AARS1: variants seen among roughly 807,000 people sequenced by gnomAD.
AARS1 encodes the protein alanyl-tRNA synthetase 1, also known as alanine--tRNA ligase, cytoplasmic.
AARS1 carries 72 observed loss-of-function variants against 108.9 expected under a neutral mutation model. That is an observed-to-expected ratio of 0.66 (90% CI 0.55 to 0.80). The LOEUF (loss-of-function observed/expected upper bound fraction) is 0.80, where lower values mean the gene tolerates loss of function less well. AARS1 is among the 30% of genes least tolerant of loss of function. The pLI, the probability that AARS1 is intolerant of heterozygous loss-of-function variation, is 0.00. For missense variants in AARS1, 1,193 were observed against 1,233.2 expected (o/e 0.97, Z 0.49); for synonymous variants, 489 against 465.7 (o/e 1.05, Z -0.64).
At chr16:70,272,460 C>T (rs1438780592) in intron 4 of AARS1, among the ~76,000 whole-genome samples, 2 of 129,136 alleles carry the variant, frequency 1.5e-5, no homozygotes, top group East Asian at 2.5e-4. Context: ...GAGCCGGGAT[C>T]GCGCCATTGC....
At chr16:70,275,195 G>C (rs1960508537) in intron 4 of AARS1, among the ~76,000 whole-genome samples, 1 of 152,108 alleles carries the variant, frequency 6.6e-6, no homozygotes, top group South Asian at 2.1e-4. Context: ...GGGAGGCAGA[G>C]GTTACAGTGA....
chr16:70,269,716 G>T lies in AARS1; in HGVS notation c.864C>A (p.Ala288=). 6.2e-7 allele frequency: 1 copy of T among 1,614,056 alleles called. No individual in the cohort carries two copies. Among genetic ancestry groups the T allele is most frequent in the Non-Finnish European group, 8.5e-7 (1 of 1,180,014 alleles). The change falls in exon 7 of 21, where the codon GCC becomes GCA. Residue 288 remains alanine, a synonymous_variant. Transcript: ENST00000261772. ...PYTGKVGAED[A]DGIDMAYRVL... is the part of the protein sequence containing the mutation. ...CCCGGTAGGCCATGTCAATCCCATC[G>T]GCATCCTCAGCACCAACTTTCCCAG...
At chr16:70,273,228 T>G (rs1960453140) in intron 4 of AARS1, among the ~76,000 whole-genome samples, 1 of 151,766 alleles carries the variant, frequency 6.6e-6, no homozygotes, top group Non-Finnish European at 1.5e-5. Flanking sequence ...ATGAAAGAAT[T>G]AAGTAAAAGG....
chr16:70,276,948 C>G lies in AARS1; in HGVS notation c.333+18G>C. 1 of 1,614,008 alleles carries G rather than the reference C, an allele frequency of 6.2e-7. No individual in the cohort carries two copies. Among genetic ancestry groups the G allele is most frequent in the Non-Finnish European group, 8.5e-7 (1 of 1,179,894 alleles). ...CATTTTCCTCAAAACCCTAGTGGTT[C>G]TTCTGCTCTGAACTTACCTTAAAGT... is the stretch of plus-strand genomic sequence containing the variant. On this transcript the variant is annotated intron_variant, in intron 3 of 20. Coordinates refer to ENST00000261772, the MANE Select transcript of AARS1 (RefSeq NM_001605.3).
At chr16:70,276,387 G>T in intron 4 of AARS1, 99 bp downstream of exon 4, 1 of 1,379,430 alleles carries the variant, frequency 7.2e-7, no homozygotes, top group Non-Finnish European at 1.0e-6. Flanking sequence ...GGAACCCTGA[G>T]ATGCAAAATG....
At chr16:70,288,597 C>G (rs1177759086) in intron 1 of AARS1, among the ~76,000 whole-genome samples, 3 of 146,552 alleles carry the variant, frequency 2.0e-5, no homozygotes, top group Non-Finnish European at 4.5e-5. Context: ...AACGGAGTCT[C>G]CCTCTGTCAC....
In AARS1 at chr16:70,255,890, TG is replaced by T. The variant is rs1254423100; in HGVS notation, c.2178-55del. The T allele has an allele frequency of 2.0e-6, 3 of 1,530,558 alleles. No individual in the cohort carries two copies. The East Asian group carries it at 7.1e-5, about 36-fold the overall frequency. The allele number at this position is 1,530,558 out of a possible 1,614,324, so 94.8% of individuals were successfully genotyped here. On this transcript the variant is annotated intron_variant, in intron 15 of 20. Coordinates refer to ENST00000261772, the MANE Select transcript of AARS1 (RefSeq NM_001605.3). ...GAAAGAGGCCCTGGCAGCCCTTGGC[TG>T]GGGGGTCACACTAGCGGACAAGAGA...
In AARS1 at chr16:70,276,553, A is replaced by C; in HGVS notation, c.412T>G (p.Phe138Val). ...IPIERLYVTY[F>V]GGDEAAGLEA... ...AAGCCAGCTGCTTCATCCCCGCCAA[A>C]GTAAGTAACATAAAGTCTTTCAATG... The change falls in exon 4 of 21, where the codon TTT becomes GTT. Residue 138 changes from phenylalanine to valine, a missense_variant. Coordinates refer to ENST00000261772, the MANE Select transcript of AARS1 (RefSeq NM_001605.3). 6.2e-7 allele frequency: 1 copy of C among 1,614,144 alleles called. No individual in the cohort carries two copies. The highest frequency in any genetic ancestry group is 8.5e-7 in the Non-Finnish European group (1 of 1,180,024).
intron 2 of AARS1, 28 bp from the exon 3 acceptor site, chr16:70,277,182 T>G: frequency 2.5e-6 from 4 of 1,610,122 alleles, no homozygotes; most frequent in Non-Finnish European, 2.5e-6. Context: ...CAGTTCAACT[T>G]TTAAAGGGTG....
chr16:70,265,197 G>C, intron 10 of AARS1, 95 bp from the exon 11 acceptor site: 1 of 1,479,648 alleles, frequency 6.8e-7, no homozygotes, highest in South Asian at 1.1e-5. Context: ...AGCATAAACT[G>C]CCAGAACAGG....
At chr16:70,261,755 C>G (rs1960138777) in intron 12 of AARS1, among the ~76,000 whole-genome samples, 1 of 151,172 alleles carries the variant, frequency 6.6e-6, no homozygotes, top group Non-Finnish European at 1.5e-5. Flanking sequence ...CTGCAACCAC[C>G]CTCTCCTGGG....
chr16:70,264,012 C>G (rs933938405), intron 11 of AARS1, among the ~76,000 whole-genome samples: 2 of 151,940 alleles, frequency 1.3e-5, no homozygotes, highest in Non-Finnish European at 2.9e-5. Context: ...CTTTGGGAGG[C>G]CAAGGCAGGC....
chr16:70,276,290 A>G (rs143811203), intron 4 of AARS1, 196 bp downstream of exon 4: 2 of 587,976 alleles, frequency 3.4e-6, no homozygotes, highest in African/African-American at 3.7e-5. Flanking sequence ...GCTGGAGTGC[A>G]GTGGAGTGAT....
At chr16:70,271,217 C>T (rs904634399) in intron 5 of AARS1, among the ~76,000 whole-genome samples, 5 of 150,964 alleles carry the variant, frequency 3.3e-5, no homozygotes, top group African/African-American at 1.2e-4. Flanking sequence ...AGGCAAGCTT[C>T]AAGGAAATAG....
intron 11 of AARS1, 38 bp downstream of exon 11, chr16:70,264,920 G>A (rs1454535314): frequency 6.2e-7 from 1 of 1,613,480 alleles, no homozygotes; most frequent in Admixed American, 1.7e-5. Context: ...CAGATACGGG[G>A]CAGAATGCTC....
At position 70,254,653 on chromosome 16, in the gene AARS1, C is replaced by A; in HGVS notation, c.2368G>T (p.Asp790Tyr). The A allele has an allele frequency of 6.2e-7, 1 of 1,614,112 alleles. No homozygotes were observed. The highest frequency in any genetic ancestry group is 1.3e-5 in the African/African-American group (1 of 75,046). Residue 790 changes from aspartate (D) to tyrosine (Y), a missense_variant, in exon 17 of 21, where the codon GAT (aspartate) becomes TAT (tyrosine). Asp to Tyr is a radical substitution (Grantham distance 160). Coordinates refer to ENST00000261772, the MANE Select transcript of AARS1 (RefSeq NM_001605.3). ...AGGTCAGCGATCTCCCTCTGCACAT[C>A]CTTGTTTGGAGCAGTCTGAGCCTTC... is the stretch of plus-strand genomic sequence containing the variant. ...KVKAQTAPNK[D>Y]VQREIADLGE...
At chr16:70,261,524 G>A (rs533571871) in intron 12 of AARS1, 1 of 260,636 alleles carries the variant, frequency 3.8e-6, no homozygotes, top group African/African-American at 2.4e-5. Flanking sequence ...CTTGAACCCG[G>A]AAGGCAGAGG....
chr16:70,282,678 G>A lies in AARS1; in HGVS notation c.86C>T (p.Ser29Phe), dbSNP rs2152170413. ...GGGGTCATCCAATGGGATGGTGGCA[G>A]ACGAGTGAACATACGTATGCTCGTT... ...KRNEHTYVHS[S>F]ATIPLDDPTL... is the part of the protein sequence containing the mutation. The change falls in exon 2 of 21, where the codon TCT (serine) becomes TTT (phenylalanine). Residue 29 changes from serine to phenylalanine, a missense_variant. Transcript: ENST00000261772. The A allele has an allele frequency of 1.2e-6, 2 of 1,614,166 alleles. No homozygotes were observed. Among genetic ancestry groups the A allele is most frequent in the South Asian group, 1.1e-5 (1 of 91,088 alleles).
chr16:70,268,752 C>G (rs1369017503), intron 7 of AARS1, among the ~76,000 whole-genome samples: 1 of 152,128 alleles, frequency 6.6e-6, no homozygotes, highest in African/African-American at 2.4e-5. Flanking sequence ...TCCTATCAGG[C>G]AACTTTGAAT....
Sources: allele counts gnomAD v4.1 joint callset (sites outside exome capture counted in the v4.1 genomes callset), GRCh38; gene constraint gnomAD v4.1.1; transcripts MANE v1.5; gene names NCBI Gene and HGNC (gene_info 2026-07-23, HGNC 2026-07-21).